The following USP34 variants were observed in gnomAD, a reference collection of about 807,000 sequenced individuals.
The protein encoded by USP34 is ubiquitin carboxyl-terminal hydrolase 34.
USP34 carries 70 observed loss-of-function variants against 460.3 expected under a neutral mutation model. The ratio of observed to expected loss-of-function variants is 0.15; its 90% CI spans 0.13 to 0.19. The LOEUF (loss-of-function observed/expected upper bound fraction) is 0.19. Among genes scored for constraint, USP34 ranks in the 10% least tolerant of loss-of-function variants. The pLI is 1.00. For missense variants in USP34, 3,985 were observed against 4,236.2 expected (o/e 0.94, Z 1.65); for synonymous variants, 1,647 against 1,405.3 (o/e 1.17, Z -3.85).
chr2:61,286,696 T>C (rs886497603), intron 34 of USP34, among the ~76,000 whole-genome samples: 1 of 151,832 alleles, frequency 6.6e-6, no homozygotes, highest in Non-Finnish European at 1.5e-5. Context: ...TAGAAAAAAA[T>C]CTCTGAAAAG....
At chr2:61,443,616 G>A (rs907097246) in intron 1 of USP34, among the ~76,000 whole-genome samples, 3 of 152,164 alleles carry the variant, frequency 2.0e-5, no homozygotes, top group Non-Finnish European at 2.9e-5. Flanking sequence ...TGATGTAGTA[G>A]GAAAGGCAGA....
At position 61,402,049 on chromosome 2, in the gene USP34, G is replaced by C. The variant is rs553425831; in HGVS notation, c.552+3659C>G. ...GAGGATCACCTGAGGCCATGAGTTCGAGACCAGGCTGGTCTCGATAAACCC... is the reference window on the plus strand; with the variant it reads ...GAGGATCACCTGAGGCCATGAGTTCCAGACCAGGCTGGTCTCGATAAACCC... On this transcript the variant is annotated intron_variant, in intron 3 of 79. Coordinates refer to ENST00000398571, the MANE Select transcript of USP34 (RefSeq NM_014709.4). 3.1e-3 allele frequency among the ~76,000 whole-genome samples: 463 copies of C among 151,638 alleles called. 3 individuals are homozygous for C. The highest frequency in any genetic ancestry group is 0.011 in the African/African-American group (438 of 41,392).
chr2:61,348,175 G>A lies in USP34; in HGVS notation c.1980C>T (p.Gly660=). The change falls in exon 15 of 80, where the codon GGC becomes GGT. Residue 660 remains glycine (G), a synonymous_variant. Coordinates refer to ENST00000398571, the MANE Select transcript of USP34 (RefSeq NM_014709.4). ...TGCTTGTCCCATTTCTTTCTGACATGCCTTGGGAGTCCCCCAGGCAAATGC... is the reference window on the plus strand; with the variant it reads ...TGCTTGTCCCATTTCTTTCTGACATACCTTGGGAGTCCCCCAGGCAAATGC... ...QAGICLGDSQ[G]MSERNGTSSG... 1.2e-6 allele frequency: 2 copies of A among 1,614,164 alleles called. No homozygotes were observed. Among genetic ancestry groups the A allele is most frequent in the Non-Finnish European group, 1.7e-6 (2 of 1,180,024 alleles).
At chr2:61,301,505 C>A in intron 27 of USP34, 51 bp from the exon 28 acceptor site, 2 of 1,495,282 alleles carry the variant, frequency 1.3e-6, no homozygotes, top group Non-Finnish European at 1.9e-6. Flanking sequence ...AATTAACTTA[C>A]TTGCTGATAA....
At position 61,410,849 on chromosome 2, in the gene USP34, A is replaced by C. The variant is rs375654331; in HGVS notation, c.132-4721T>G. ...CTAGCTATGAAATGGATTTACAAAG[A>C]AAAAGAAAAATCAACCCCACAGAAC... On this transcript the variant is annotated intron_variant, in intron 2 of 79. Transcript: ENST00000398571. Among the ~76,000 whole-genome samples, 6 of 152,294 alleles carry C rather than the reference A, an allele frequency of 3.9e-5. No individual in the cohort carries two copies. In the East Asian group the frequency reaches 1.2e-3, roughly 29 times the overall value.
At position 61,339,227 on chromosome 2, in the gene USP34, C is replaced by T. The variant is rs1277592776; in HGVS notation, c.2744+124G>A. On this transcript the variant is annotated intron_variant, in intron 18 of 79. Coordinates refer to ENST00000398571, the MANE Select transcript of USP34 (RefSeq NM_014709.4). ...AAATTTCATATGAAAACTATAATTA[C>T]TAAAAAACAGATTAATACAGGTATA... 53 of 949,508 alleles carry T rather than the reference C, an allele frequency of 5.6e-5. 1 individual carries two copies. The highest frequency in any genetic ancestry group is 6.7e-5 in the Admixed American group (2 of 29,650). The allele number at this position is 949,508 out of a possible 1,614,324, so 58.8% of individuals were successfully genotyped here.
chr2:61,315,067 C>G (rs991422823), intron 23 of USP34, 93 bp from the exon 24 acceptor site: 11 of 866,676 alleles, frequency 1.3e-5, no homozygotes, highest in Non-Finnish European at 2.0e-5. Flanking sequence ...TCATAGGCAA[C>G]TCCTATTATT....
Position 61,296,818 on chromosome 2 carries a change from C to A in USP34, c.4236G>T (p.Gln1412His), listed in dbSNP as rs1690043775. The A allele has an allele frequency of 6.2e-7, 1 of 1,613,084 alleles. No homozygotes were observed. The highest frequency in any genetic ancestry group is 1.1e-5 in the South Asian group (1 of 90,860). Reference protein sequence around the residue: ...PTCPNMLMAFQNISDEQSNDG... With the variant: ...PTCPNMLMAFHNISDEQSNDG... The stretch of plus-strand genomic sequence containing the variant: ...GGCTCACCTGCTCATCTGAGATATT[C>A]TGGAATGCCATCAACATATTAGGAC... The change falls in exon 30 of 80, where the codon CAG becomes CAT. Residue 1412 changes from glutamine (Q) to histidine (H), a missense_variant. Coordinates refer to ENST00000398571, the MANE Select transcript of USP34 (RefSeq NM_014709.4).
In USP34 at chr2:61,267,281, T is replaced by A. The variant is rs192617013; in HGVS notation, c.5434-1114A>T. Reference sequence around the variant, plus strand: ...GTTAGTGAATCAACAAACCTGGGGGTGGTCAGGGAAACTCTTGAAAGACGT... The same window carrying A: ...GTTAGTGAATCAACAAACCTGGGGGAGGTCAGGGAAACTCTTGAAAGACGT... On this transcript the variant is annotated intron_variant, in intron 41 of 79. Transcript: ENST00000398571. 2.6e-5 allele frequency among the ~76,000 whole-genome samples: 4 copies of A among 152,174 alleles called. No individual in the cohort carries two copies. The East Asian group carries it at 7.7e-4, about 29-fold the overall frequency.
intron 1 of USP34, among the ~76,000 whole-genome samples, chr2:61,441,090 T>C (rs942344500): frequency 6.7e-6 from 1 of 149,408 alleles, no homozygotes; most frequent in East Asian, 2.0e-4. Context: ...ATCGCGCCAC[T>C]GCACTCCAGC....
intron 27 of USP34, among the ~76,000 whole-genome samples, chr2:61,304,063 A>T (rs774062162): frequency 3.9e-5 from 6 of 152,060 alleles, no homozygotes; most frequent in Non-Finnish European, 5.9e-5. Flanking sequence ...AGGCCCAGCT[A>T]ATTTTTGTAT....
In USP34 at chr2:61,397,717, G is replaced by A. The variant is rs13014194; in HGVS notation, c.553-2484C>T. Among the ~76,000 whole-genome samples the A allele has an allele frequency of 2.4e-3, 365 of 152,064 alleles. 1 individual carries two copies. The highest frequency in any genetic ancestry group is 4.4e-3 in the Non-Finnish European group (296 of 67,996). On this transcript the variant is annotated intron_variant, in intron 3 of 79. Coordinates refer to ENST00000398571, the MANE Select transcript of USP34 (RefSeq NM_014709.4). ...AGATCAAGACCATCCTGGACAACAT[G>A]GTGAAACCCCATCTCTATTAAAAAT... is the stretch of plus-strand genomic sequence containing the variant.
intron 1 of USP34, among the ~76,000 whole-genome samples, chr2:61,439,271 C>T (rs894852465): frequency 6.6e-6 from 1 of 152,122 alleles, no homozygotes; most frequent in Non-Finnish European, 1.5e-5. Flanking sequence ...AGGTTATGTG[C>T]CCCCTCCTCC....
intron 43 of USP34, 66 bp downstream of exon 43, chr2:61,265,328 TAAA>T: frequency 6.6e-7 from 1 of 1,507,780 alleles, no homozygotes. Flanking sequence ...TACATTGAAA[TAAA>T]AATTTATCAA....
chr2:61,402,821 T>C (rs1423798907), intron 3 of USP34, among the ~76,000 whole-genome samples: 2 of 152,186 alleles, frequency 1.3e-5, no homozygotes, highest in Admixed American at 6.5e-5. Flanking sequence ...CATAATAATT[T>C]GTTTGCTTTA....
At chr2:61,283,642 G>C (rs191384345) in intron 35 of USP34, among the ~76,000 whole-genome samples, 193 bp from the exon 36 acceptor site, 1 of 151,982 alleles carries the variant, frequency 6.6e-6, no homozygotes, top group East Asian at 1.9e-4. Context: ...CAGGAGACAG[G>C]GTCTCACTCT....
intron 41 of USP34, among the ~76,000 whole-genome samples, chr2:61,274,832 C>G (rs1689324253): frequency 6.6e-6 from 1 of 152,188 alleles, no homozygotes; most frequent in African/African-American, 2.4e-5. Context: ...AACGTATACT[C>G]CATGAACTAG....
At position 61,394,958 on chromosome 2, in the gene USP34, A is replaced by G. The variant is rs367872350; in HGVS notation, c.648T>C (p.Phe216=). The change falls in exon 5 of 80, where the codon TTT becomes TTC. Residue 216 remains phenylalanine, a synonymous_variant. Transcript: ENST00000398571. The part of the protein sequence containing the change: ...PLHLLRYVCL[F]CGKNGLSLMK... ...TGAGAGAAAGGCCATTTTTCCCACA[A>G]AACAAACATACATAACGAAGCAAAT... 1.1e-4 allele frequency: 184 copies of G among 1,607,686 alleles called. No homozygotes were observed. The Middle Eastern group carries it at 3.3e-3, about 29-fold the overall frequency.
At chr2:61,303,828 C>T (rs1690314890) in intron 27 of USP34, among the ~76,000 whole-genome samples, 1 of 151,782 alleles carries the variant, frequency 6.6e-6, no homozygotes, top group Admixed American at 6.6e-5. Flanking sequence ...ATCTCCTGAC[C>T]TCGTGATCTG....
Sources: allele counts gnomAD v4.1 joint callset (sites outside exome capture counted in the v4.1 genomes callset), GRCh38; gene constraint gnomAD v4.1.1; transcripts MANE v1.5; gene names NCBI Gene and HGNC (gene_info 2026-07-23, HGNC 2026-07-21).